SRGAP3: variants seen among roughly 807,000 people sequenced by gnomAD.
SRGAP3 encodes the protein SLIT-ROBO Rho GTPase activating protein 3.
Under a neutral mutation model 121.1 loss-of-function variants are expected in SRGAP3, and 39 were observed. That is an observed-to-expected ratio of 0.32 (90% CI 0.25 to 0.42). The LOEUF (loss-of-function observed/expected upper bound fraction) is 0.42, where lower values mean the gene tolerates loss of function less well. SRGAP3 is among the 10% of genes least tolerant of loss of function. SRGAP3 has a pLI of 1.00. For missense variants in SRGAP3, 1,213 were observed against 1,470.6 expected (o/e 0.82, Z 2.86); for synonymous variants, 601 against 570.0 (o/e 1.05, Z -0.77).
At chr3:9,057,926 C>T (rs1035272164) in intron 7 of SRGAP3, among the ~76,000 whole-genome samples, 1 of 152,154 alleles carries the variant, frequency 6.6e-6, no homozygotes, top group Admixed American at 6.5e-5. Context: ...CAGTGAGGCC[C>T]AGGCTTCCCG....
chr3:9,040,139 CT>C (rs577634024), intron 10 of SRGAP3, among the ~76,000 whole-genome samples: 127 of 152,308 alleles, frequency 8.3e-4, no homozygotes, highest in African/African-American at 2.9e-3. Context: ...GGACGACTTT[CT>C]TTTTAACTGG....
chr3:9,100,404 G>T (rs1948170320), intron 3 of SRGAP3, among the ~76,000 whole-genome samples: 1 of 152,168 alleles, frequency 6.6e-6, no homozygotes, highest in Non-Finnish European at 1.5e-5. Flanking sequence ...AGACAGAGAA[G>T]AAGCAAACAG....
intron 3 of SRGAP3, among the ~76,000 whole-genome samples, chr3:9,283,474 A>T (rs755426879): frequency 6.6e-6 from 1 of 152,232 alleles, no homozygotes; most frequent in African/African-American, 2.4e-5. Flanking sequence ...ATTCACTAAC[A>T]TCACCACCAA....
intron 1 of SRGAP3, chr3:9,355,697 C>T (rs1467197728): frequency 6.6e-6 from 1 of 152,280 alleles, no homozygotes; most frequent in African/African-American, 2.4e-5. Context: ...ATTTTTCTCC[C>T]TAATGCTTAT....
At chr3:9,244,536 C>A (rs1378743112) in intron 1 of SRGAP3, among the ~76,000 whole-genome samples, 3 of 152,012 alleles carry the variant, frequency 2.0e-5, no homozygotes, top group African/African-American at 7.3e-5. Flanking sequence ...GCAGAACTAA[C>A]CATCATGTCT....
rs1941440534 is a variant in SRGAP3 at position 8,982,012 on chromosome 3, C to T, written c.*3507G>A. On this transcript the variant is annotated 3_prime_UTR_variant, in exon 22 of 22. Transcript: ENST00000383836. The stretch of plus-strand genomic sequence containing the variant: ...TTTCATAGAATCCCACAGCTCAGAG[C>T]AGCTCTTTAAGAGGAAAAGGGAATA... The T allele has an allele frequency of 4.4e-6, 1 of 225,942 alleles. No homozygotes were observed. Among genetic ancestry groups the T allele is most frequent in the Non-Finnish European group, 8.8e-6 (1 of 113,526 alleles). 14.0% of individuals were successfully genotyped at this position (225,942 alleles called of 1,614,324 possible).
chr3:9,333,366 T>G (rs1437541946), intron 1 of SRGAP3, among the ~76,000 whole-genome samples: 1 of 152,202 alleles, frequency 6.6e-6, no homozygotes, highest in Admixed American at 6.5e-5. Context: ...TTGCATTCCC[T>G]ACTCCCTTTT....
At chr3:9,078,458 C>T (rs73811428) in intron 4 of SRGAP3, among the ~76,000 whole-genome samples, 2,220 of 152,200 alleles carry the variant, frequency 0.015, 61 homozygotes, top group African/African-American at 0.051. Flanking sequence ...ACCACCCTTC[C>T]CCCCACCGTG....
At chr3:9,071,743 G>A (rs1448067204) in intron 4 of SRGAP3, among the ~76,000 whole-genome samples, 1 of 151,984 alleles carries the variant, frequency 6.6e-6, no homozygotes, top group Non-Finnish European at 1.5e-5. Flanking sequence ...AGGGAAAAGG[G>A]TAAAATGGGG....
At chr3:9,023,378 A>G (rs73142195) in intron 14 of SRGAP3, among the ~76,000 whole-genome samples, 5,729 of 152,312 alleles carry the variant, frequency 0.038, 347 homozygotes, top group African/African-American at 0.13. Context: ...TGATACTTGC[A>G]TCATGGACGC....
chr3:9,038,514 C>T (rs2125111812), intron 10 of SRGAP3, among the ~76,000 whole-genome samples: 1 of 152,348 alleles, frequency 6.6e-6, no homozygotes. Context: ...TTCAAAAACT[C>T]CTGCAATGTT....
chr3:9,053,263 T>C, intron 8 of SRGAP3, 39 bp from the exon 9 acceptor site: 1 of 1,592,494 alleles, frequency 6.3e-7, no homozygotes, highest in Non-Finnish European at 8.6e-7. Context: ...TCCTGTATTC[T>C]CATACTGCCG....
intron 1 of SRGAP3, among the ~76,000 whole-genome samples, chr3:9,175,406 G>A (rs1951142280): frequency 6.6e-6 from 1 of 152,214 alleles, no homozygotes; most frequent in African/African-American, 2.4e-5. Context: ...CAGGGCCACA[G>A]AAAGTCCTGG....
chr3:9,163,530 A>C (rs1321579146), intron 1 of SRGAP3, among the ~76,000 whole-genome samples: 2 of 152,164 alleles, frequency 1.3e-5, no homozygotes, highest in Non-Finnish European at 2.9e-5. Flanking sequence ...AAGTGGGGCT[A>C]AATTTAAGCC....
chr3:9,179,856 T>C (rs1374001082), intron 1 of SRGAP3, among the ~76,000 whole-genome samples: 2 of 152,188 alleles, frequency 1.3e-5, no homozygotes, highest in Non-Finnish European at 2.9e-5. Context: ...AGCTACCAAG[T>C]GGGAGAATCA....
intron 1 of SRGAP3, among the ~76,000 whole-genome samples, chr3:9,183,904 G>A (rs867001830): frequency 2.0e-5 from 3 of 151,508 alleles, no homozygotes; most frequent in African/African-American, 4.9e-5. Flanking sequence ...AATCCTCTGC[G>A]GCTTGCCTCT....
intron 1 of SRGAP3, among the ~76,000 whole-genome samples, chr3:9,199,559 T>C (rs746828046): frequency 6.6e-6 from 1 of 152,260 alleles, no homozygotes; most frequent in Non-Finnish European, 1.5e-5. Flanking sequence ...AATGGCTGTA[T>C]AATATTCCAT....
chr3:9,274,954 G>C (rs1574963803), intron 3 of SRGAP3, among the ~76,000 whole-genome samples: 1 of 151,830 alleles, frequency 6.6e-6, no homozygotes, highest in Non-Finnish European at 1.5e-5. Flanking sequence ...GGTGAGACAG[G>C]CCATGGGTGG....
At chr3:9,170,720 A>G (rs1429323260) in intron 1 of SRGAP3, among the ~76,000 whole-genome samples, 2 of 152,190 alleles carry the variant, frequency 1.3e-5, no homozygotes, top group African/African-American at 4.8e-5. Flanking sequence ...GAGCTACTTC[A>G]CAAGCGTGGG....
Sources: allele counts gnomAD v4.1 joint callset (sites outside exome capture counted in the v4.1 genomes callset), GRCh38; gene constraint gnomAD v4.1.1; transcripts MANE v1.5; gene names NCBI Gene and HGNC (gene_info 2026-07-23, HGNC 2026-07-21).